The following NFATC3 variants were observed in gnomAD, a reference collection of about 807,000 sequenced individuals.
The protein encoded by NFATC3 is nuclear factor of activated T cells 3.
A neutral mutation model predicts 98.6 loss-of-function variants in NFATC3; 46 were observed. The ratio of observed to expected loss-of-function variants is 0.47; its 90% CI spans 0.37 to 0.60. The LOEUF is 0.60. Ranked by LOEUF, NFATC3 falls within the 20% of genes least tolerant of loss-of-function variation. The pLI is 0.00. For synonymous variants in NFATC3, 512 were observed against 472.2 expected (o/e 1.08, Z -1.09); for missense variants, 1,256 against 1,295.5 (o/e 0.97, Z 0.47).
chr16:68,210,440 C>G (rs2041336247), intron 9 of NFATC3, among the ~76,000 whole-genome samples: 1 of 152,074 alleles, frequency 6.6e-6, no homozygotes, highest in Non-Finnish European at 1.5e-5. Context: ...CACTGCACAC[C>G]AGCCTTGGTG....
At chr16:68,170,561 C>T (rs1483154823) in intron 5 of NFATC3, among the ~76,000 whole-genome samples, 4 of 147,694 alleles carry the variant, frequency 2.7e-5, no homozygotes, top group African/African-American at 1.0e-4. Context: ...GGCGCAATCT[C>T]GGCTGACTGC....
intron 1 of NFATC3, among the ~76,000 whole-genome samples, chr16:68,097,575 G>C (rs1336330040): frequency 3.9e-5 from 6 of 152,156 alleles, no homozygotes; most frequent in African/African-American, 1.4e-4. Context: ...AGGAGGCTGA[G>C]AACAGGACTC....
intron 4 of NFATC3, among the ~76,000 whole-genome samples, chr16:68,159,816 A>G (rs893823104): frequency 5.9e-5 from 9 of 151,774 alleles, no homozygotes; most frequent in African/African-American, 2.2e-4. Context: ...AGTGGCTCAC[A>G]CCTATTATCC....
At chr16:68,136,075 GAAGA>G (rs1186302119) in intron 3 of NFATC3, among the ~76,000 whole-genome samples, 2 of 152,006 alleles carry the variant, frequency 1.3e-5, no homozygotes, top group East Asian at 3.9e-4. Context: ...CAAAAAAAAA[GAAGA>G]AAGAAAGAAA....
At chr16:68,134,723 G>A (rs192265651) in intron 3 of NFATC3, among the ~76,000 whole-genome samples, 1 of 152,044 alleles carries the variant, frequency 6.6e-6, no homozygotes, top group Non-Finnish European at 1.5e-5. Flanking sequence ...GGGGGGATGG[G>A]GGATACCTTT....
chr16:68,131,554 A>G (rs1276265735), intron 3 of NFATC3, among the ~76,000 whole-genome samples: 1 of 152,160 alleles, frequency 6.6e-6, no homozygotes, highest in African/African-American at 2.4e-5. Context: ...CTGGGATTAG[A>G]GGCGTGAGCC....
chr16:68,181,405 A>C (rs1210611011), intron 6 of NFATC3, 70 bp from the exon 7 acceptor site: 1 of 1,036,934 alleles, frequency 9.6e-7, no homozygotes, highest in Non-Finnish European at 1.5e-6. Context: ...GATACTATCC[A>C]TGCATTAGAT....
intron 9 of NFATC3, among the ~76,000 whole-genome samples, chr16:68,211,760 G>A (rs977055268): frequency 6.6e-6 from 1 of 151,586 alleles, no homozygotes; most frequent in Non-Finnish European, 1.5e-5. Context: ...GACCTCAGGT[G>A]ATCTACCCGC....
chr16:68,160,380 G>T (rs903239808), intron 4 of NFATC3, among the ~76,000 whole-genome samples: 2 of 151,998 alleles, frequency 1.3e-5, no homozygotes, highest in Admixed American at 1.3e-4. Flanking sequence ...CTTGAGAATC[G>T]CTTGAATCCA....
chr16:68,185,376 C>T (rs2040142420), intron 8 of NFATC3, among the ~76,000 whole-genome samples: 1 of 152,128 alleles, frequency 6.6e-6, no homozygotes. Context: ...TCAAATTCTT[C>T]AAGGCGGGTG....
intron 1 of NFATC3, among the ~76,000 whole-genome samples, chr16:68,105,885 T>G (rs2035627301): frequency 6.6e-6 from 1 of 151,984 alleles, no homozygotes; most frequent in Non-Finnish European, 1.5e-5. Flanking sequence ...AGTATTCTTC[T>G]TCTTTTTTTT....
At position 68,205,716 on chromosome 16, in the gene NFATC3, C is replaced by T. The variant is rs182879448; in HGVS notation, c.3106+13941C>T. On this transcript the variant is annotated intron_variant, in intron 9 of 9. Transcript: ENST00000346183. ...TTATAAACAGTTGCATTTTTTTCCC[C>T]TTATTTTTACTAGCATATTATGTAT... is the stretch of plus-strand genomic sequence containing the variant. Among the ~76,000 whole-genome samples, 8 of 152,068 alleles carry T rather than the reference C, an allele frequency of 5.3e-5. No individual in the cohort carries two copies. In the South Asian group the frequency reaches 8.3e-4, roughly 16 times the overall value.
intron 1 of NFATC3, 198 bp downstream of exon 1, chr16:68,085,982 C>A (rs1250879942): frequency 1.1e-5 from 5 of 455,232 alleles, no homozygotes; most frequent in Non-Finnish European, 1.9e-5. Context: ...GAAGTGGTGG[C>A]GGGCTTGGCT....
Position 68,190,980 on chromosome 16 carries a change from G to A in NFATC3, c.2311G>A (p.Asp771Asn). The A allele has an allele frequency of 6.2e-7, 1 of 1,614,148 alleles. No individual in the cohort carries two copies. The highest frequency in any genetic ancestry group is 8.5e-7 in the Non-Finnish European group (1 of 1,180,014). Reference sequence around the variant, plus strand: ...CCATCTGCCACAGTTGCAGTGTAGAGATGAGAGTGTTAGTAAAGAACAGCA... The same window carrying A: ...CCATCTGCCACAGTTGCAGTGTAGAAATGAGAGTGTTAGTAAAGAACAGCA... ...SSHLPQLQCR[D>N]ESVSKEQHMI... Residue 771 changes from aspartate (D) to asparagine (N), a missense_variant, in exon 9 of 10, where the codon GAT (aspartate) becomes AAT (asparagine). Transcript: ENST00000346183.
chr16:68,110,380 C>T (rs2035881319), intron 1 of NFATC3, among the ~76,000 whole-genome samples: 1 of 150,186 alleles, frequency 6.7e-6, no homozygotes, highest in Non-Finnish European at 1.5e-5. Context: ...CCAATCTCGG[C>T]TCACTGTAAG....
intron 1 of NFATC3, among the ~76,000 whole-genome samples, chr16:68,110,285 G>T (rs2035873583): frequency 6.6e-6 from 1 of 151,080 alleles, no homozygotes; most frequent in Admixed American, 6.6e-5. Context: ...GATTACAGGT[G>T]TGAGCCACCG....
chr16:68,123,837 T>C (rs2036680736), intron 2 of NFATC3, among the ~76,000 whole-genome samples: 1 of 151,262 alleles, frequency 6.6e-6, no homozygotes, highest in Non-Finnish European at 1.5e-5. Flanking sequence ...ATACAAAAAT[T>C]AGCCAGGTGT....
intron 3 of NFATC3, among the ~76,000 whole-genome samples, chr16:68,148,989 C>T (rs1227195531): frequency 6.6e-6 from 1 of 152,002 alleles, no homozygotes; most frequent in Non-Finnish European, 1.5e-5. Context: ...CAGCGAGACT[C>T]CATCTTAAAA....
chr16:68,206,702 C>T (rs1434194498), intron 9 of NFATC3, among the ~76,000 whole-genome samples: 2 of 152,016 alleles, frequency 1.3e-5, no homozygotes, highest in Non-Finnish European at 1.5e-5. Context: ...ATAATTTGGG[C>T]CTAGGCACAG....
Sources: allele counts gnomAD v4.1 joint callset (sites outside exome capture counted in the v4.1 genomes callset), GRCh38; gene constraint gnomAD v4.1.1; transcripts MANE v1.5; gene names NCBI Gene and HGNC (gene_info 2026-07-23, HGNC 2026-07-21).